Variants in FAM3D observed in about 807,000 individuals in gnomAD.
FAM3D encodes the protein protein FAM3D.
FAM3D carries 26 observed loss-of-function variants against 29.8 expected under a neutral mutation model. The ratio of observed to expected loss-of-function variants is 0.87; its 90% CI spans 0.64 to 1.21. The LOEUF (loss-of-function observed/expected upper bound fraction) is 1.21, where lower values mean the gene tolerates loss of function less well. FAM3D is among the 50% of genes most tolerant of loss of function. The pLI, the probability that FAM3D is intolerant of heterozygous loss-of-function variation, is 0.00. For synonymous variants in FAM3D, 115 were observed against 102.3 expected, an observed-to-expected ratio of 1.12 and a Z score of -0.75; for missense variants, 253 against 290.9, an observed-to-expected ratio of 0.87 and a Z score of 0.95.
chr3:58,661,802 T>G (rs1387080490), intron 1 of FAM3D, among the ~76,000 whole-genome samples: 1 of 152,230 alleles, frequency 6.6e-6, no homozygotes, highest in African/African-American at 2.4e-5. Context: ...AAGTAACAGT[T>G]GTTAATCAAG....
At chr3:58,661,985 C>A (rs544804253) in intron 1 of FAM3D, among the ~76,000 whole-genome samples, 1 of 152,226 alleles carries the variant, frequency 6.6e-6, no homozygotes, top group South Asian at 2.1e-4. Flanking sequence ...CATTCAGCCC[C>A]TTCCCTGCCC....
intron 3 of FAM3D, among the ~76,000 whole-genome samples, chr3:58,650,396 G>GGGGAGA (rs1219367438): frequency 6.6e-6 from 1 of 152,170 alleles, no homozygotes; most frequent in Admixed American, 6.5e-5. Context: ...TAGTTGGTGG[G>GGGGAGA]GGCAGGGGGA....
chr3:58,651,114 C>T (rs1215829556), intron 3 of FAM3D, among the ~76,000 whole-genome samples: 1 of 152,168 alleles, frequency 6.6e-6, no homozygotes, highest in Non-Finnish European at 1.5e-5. Flanking sequence ...TTTGGAAAAG[C>T]CCATGAACTC....
intron 3 of FAM3D, among the ~76,000 whole-genome samples, chr3:58,652,808 T>A (rs921325841): frequency 3.3e-5 from 5 of 151,150 alleles, no homozygotes; most frequent in Non-Finnish European, 7.4e-5. Flanking sequence ...CATTTATCTA[T>A]CCACCCACCC....
Position 58,634,311 on chromosome 3 carries a change from T to A in FAM3D, c.643A>T (p.Met215Leu). ...KYEGWPELLE[M>L]EGCMPPKPF ...GGCTTCGGGGGCATGCAGCCCTCCA[T>A]CTCCAGCAGCTCTGGCCATCCCTCG... The change falls in exon 10 of 10, where the codon ATG becomes TTG. Residue 215 changes from methionine (M) to leucine (L), a missense_variant. Met to Leu is a conservative substitution (Grantham distance 15). Transcript: ENST00000358781. The surrounding 1 kb of genome is among the most constrained non-coding windows in gnomAD (Gnocchi z 4.6). The A allele has an allele frequency of 6.2e-7, 1 of 1,614,062 alleles. No homozygotes were observed. The highest frequency in any genetic ancestry group is 8.5e-7 in the Non-Finnish European group (1 of 1,179,996).
At chr3:58,646,738 T>C (rs767265228) in intron 4 of FAM3D, among the ~76,000 whole-genome samples, 1 of 152,230 alleles carries the variant, frequency 6.6e-6, no homozygotes, top group Non-Finnish European at 1.5e-5. Context: ...TTAAGGAAGC[T>C]TGCACATGCC....
At chr3:58,662,229 G>A (rs1448061734) in intron 1 of FAM3D, among the ~76,000 whole-genome samples, 2 of 152,308 alleles carry the variant, frequency 1.3e-5, no homozygotes, top group South Asian at 4.1e-4. Flanking sequence ...CAAGCATGAA[G>A]CATGAAGAGA....
chr3:58,665,063 C>T (rs1344593653), intron 1 of FAM3D, among the ~76,000 whole-genome samples: 1 of 152,214 alleles, frequency 6.6e-6, no homozygotes, highest in Non-Finnish European at 1.5e-5. Context: ...GAGGCTTCAA[C>T]ATTCCTATGG....
intron 2 of FAM3D, among the ~76,000 whole-genome samples, chr3:58,654,630 C>G (rs1352751467): frequency 6.6e-6 from 1 of 152,186 alleles, no homozygotes; most frequent in Non-Finnish European, 1.5e-5. Context: ...ACCCATTCTG[C>G]TCTGACTCTT....
intron 1 of FAM3D, among the ~76,000 whole-genome samples, chr3:58,664,496 T>C (rs955110776): frequency 1.3e-5 from 2 of 152,256 alleles, no homozygotes; most frequent in African/African-American, 4.8e-5. Context: ...TGTCCTATAT[T>C]GTGCACCTAC....
chr3:58,660,508 C>T (rs556993609), intron 1 of FAM3D, among the ~76,000 whole-genome samples: 5 of 152,248 alleles, frequency 3.3e-5, no homozygotes, highest in African/African-American at 1.2e-4. Flanking sequence ...AGATAAACAG[C>T]GAATAAATCC....
At chr3:58,659,023 A>G (rs1455508024) in intron 1 of FAM3D, among the ~76,000 whole-genome samples, 1 of 152,234 alleles carries the variant, frequency 6.6e-6, no homozygotes, top group East Asian at 1.9e-4. Flanking sequence ...TGTGGATCAG[A>G]CAGACCTGGG....
intron 1 of FAM3D, among the ~76,000 whole-genome samples, chr3:58,659,827 C>A (rs973309897): frequency 2.0e-5 from 3 of 152,116 alleles, no homozygotes; most frequent in Non-Finnish European, 4.4e-5. Flanking sequence ...CATTTTTCTC[C>A]GAAGTAGAAG....
Position 58,636,299 on chromosome 3 carries a change from C to T in FAM3D, c.580G>A (p.Glu194Lys). The T allele has an allele frequency of 6.2e-7, 1 of 1,613,946 alleles. No homozygotes were observed. Among genetic ancestry groups the T allele is most frequent in the Non-Finnish European group, 8.5e-7 (1 of 1,179,980 alleles). The change falls in exon 9 of 10, where the codon GAG becomes AAG. Residue 194 changes from glutamate (E) to lysine (K), a missense_variant. Coordinates refer to ENST00000358781, the MANE Select transcript of FAM3D (RefSeq NM_138805.3). ...AKDLRGKSPF[E>K]QFLKNSPDTN... ...GGTTGTGGCCCAGAACCCACCTGCTCAAAGGGGCTTTTACCCCTGAGGTCT... is the reference window on the plus strand; with the variant it reads ...GGTTGTGGCCCAGAACCCACCTGCTTAAAGGGGCTTTTACCCCTGAGGTCT...
At position 58,644,007 on chromosome 3, in the gene FAM3D, C is replaced by T. The variant is rs2289745; in HGVS notation, c.264-287G>A. 6.9e-4 allele frequency among the ~76,000 whole-genome samples: 105 copies of T among 152,334 alleles called. No homozygotes were observed. The East Asian group carries it at 0.018, about 26-fold the overall frequency. On this transcript the variant is annotated intron_variant, in intron 5 of 9. Coordinates refer to ENST00000358781, the MANE Select transcript of FAM3D (RefSeq NM_138805.3). ...AGGTGGGGCCAGCCCACCCCCAGGC[C>T]GTGAGGCCTGGCTGCTGGAAGGAGG...
rs1008878811 is a variant in FAM3D at position 58,634,142 on chromosome 3, C to T, written c.*137G>A. 14 of 704,344 alleles carry T rather than the reference C, an allele frequency of 2.0e-5. No individual in the cohort carries two copies. Among genetic ancestry groups the T allele is most frequent in the South Asian group, 7.2e-5 (4 of 55,474 alleles). 43.6% of individuals were successfully genotyped at this position (704,344 alleles called of 1,614,324 possible). On this transcript the variant is annotated 3_prime_UTR_variant, in exon 10 of 10. Transcript: ENST00000358781. The surrounding 1 kb of genome is among the most constrained non-coding windows in gnomAD (Gnocchi z 4.6). The stretch of plus-strand genomic sequence containing the variant: ...GTTCTGTTTCCGAGGAGGAGAGGCG[C>T]GACACAGCGTGCAAGGACCTGCAGC...
intron 4 of FAM3D, among the ~76,000 whole-genome samples, chr3:58,646,205 CATTT>C (rs1453873083): frequency 6.6e-6 from 1 of 152,208 alleles, no homozygotes. Context: ...ATCATTCATT[CATTT>C]ATCACTCATT....
At chr3:58,649,290 G>A (rs1402844720) in intron 4 of FAM3D, 25 bp downstream of exon 4, 33 of 1,612,252 alleles carry the variant, frequency 2.0e-5, no homozygotes, top group Non-Finnish European at 2.6e-5. Context: ...GGTCGGGGGA[G>A]GTGTGGGGCT....
intron 1 of FAM3D, 65 bp downstream of exon 1, chr3:58,666,511 A>G (rs1340796745): frequency 6.7e-6 from 1 of 149,444 alleles, no homozygotes; most frequent in Non-Finnish European, 1.5e-5. Flanking sequence ...CCCCACCTCC[A>G]TTTTCCCCTC....
Sources: gnomAD v4.1 joint callset for allele counts (sites outside exome capture counted in the v4.1 genomes callset) on GRCh38, gnomAD v4.1.1 for gene constraint, Gnocchi (gnomAD v3.1) non-coding constraint, MANE v1.5 for transcripts, NCBI Gene and HGNC (gene_info 2026-07-23, HGNC 2026-07-21) for gene names.